The following IL17B variants were observed in gnomAD, a reference collection of about 807,000 sequenced individuals.
IL17B encodes interleukin 17B.
In IL17B, 14 loss-of-function variants were observed where a neutral mutation model predicts 14.7. The observed-to-expected ratio is 0.95, with a 90% CI of 0.63 to 1.49. The LOEUF (loss-of-function observed/expected upper bound fraction) is 1.49, where lower values mean the gene tolerates loss of function less well. Ranked by LOEUF, IL17B falls within the 40% of genes most tolerant of loss-of-function variation. The probability of loss-of-function intolerance (pLI) is 0.00; values close to 1 mark genes in which losing one functional copy is unlikely to be tolerated. For synonymous variants in IL17B, 105 were observed against 94.8 expected, an observed-to-expected ratio of 1.11 and a Z score of -0.62; for missense variants, 233 against 252.8, an observed-to-expected ratio of 0.92 and a Z score of 0.53.
chr5:149,387,235 T>C (rs190818305), intron 1 of IL17B, among the ~76,000 whole-genome samples: 60 of 152,334 alleles, frequency 3.9e-4, no homozygotes, highest in African/African-American at 1.4e-3. Context: ...AAATTTCCAT[T>C]GGAAGGTCAG....
chr5:149,374,366 G>A lies in IL17B; in HGVS notation c.*3C>T. The A allele has an allele frequency of 6.4e-7, 1 of 1,561,280 alleles. No individual in the cohort carries two copies. Among genetic ancestry groups the A allele is most frequent in the Non-Finnish European group, 8.7e-7 (1 of 1,152,494 alleles). On this transcript the variant is annotated 3_prime_UTR_variant, in exon 3 of 3. Transcript: ENST00000261796. This position sits in a 1 kb window ranked among gnomAD's most constrained non-coding sequence, Gnocchi z 5.0. The stretch of plus-strand genomic sequence containing the variant: ...TGCTGGCCTGGCTTCTGGGCCAGGT[G>A]ATTCAGAAGATGCAGGTGCAGCCCA...
At chr5:149,377,174 G>C in intron 1 of IL17B, 149 bp from the exon 2 acceptor site, 1 of 634,140 alleles carries the variant, frequency 1.6e-6, no homozygotes. Flanking sequence ...TCCCTCCTCA[G>C]ATTACCCCCT....
chr5:149,392,953 TGTGTGC>T (rs1759008522), intron 1 of IL17B, among the ~76,000 whole-genome samples: 1 of 150,716 alleles, frequency 6.6e-6, no homozygotes, highest in African/African-American at 2.4e-5. Context: ...TGTGCGTGCG[TGTGTGC>T]GTGTGTGTGC....
At chr5:149,376,437 G>A (rs1758537141) in intron 2 of IL17B, among the ~76,000 whole-genome samples, 1 of 152,206 alleles carries the variant, frequency 6.6e-6, no homozygotes, top group Non-Finnish European at 1.5e-5. Flanking sequence ...TGACATCTGG[G>A]GAAAGCCTTG....
intron 1 of IL17B, among the ~76,000 whole-genome samples, chr5:149,391,127 C>A (rs993032632): frequency 6.6e-6 from 1 of 152,176 alleles, no homozygotes; most frequent in Non-Finnish European, 1.5e-5. Context: ...CCATCATCCC[C>A]AGCTAATTTT....
chr5:149,376,643 C>T, intron 2 of IL17B, 93 bp downstream of exon 2: 1 of 1,481,444 alleles, frequency 6.8e-7, no homozygotes, highest in Non-Finnish European at 9.1e-7. Flanking sequence ...AGCACCCAGA[C>T]CTCTGAATCT....
rs547929452 is a variant in IL17B at position 149,395,889 on chromosome 5, T to C, written n.95+8219A>G. On this transcript the variant is annotated intron_variant and non_coding_transcript_variant, in intron 1 of 2. Coordinates refer to the IL17B transcript ENST00000505432. ...GGTTTCACCATGTTGGCCAGGCTGG[T>C]CTTGAACTCCTGGCCTCAAGTGATC... Among the ~76,000 whole-genome samples, 6 of 152,274 alleles carry C rather than the reference T, an allele frequency of 3.9e-5. No individual in the cohort carries two copies. The South Asian group carries it at 1.0e-3, about 26-fold the overall frequency.
chr5:149,403,275 G>T (rs757711458), intron 1 of IL17B, among the ~76,000 whole-genome samples: 1 of 151,722 alleles, frequency 6.6e-6, no homozygotes. Flanking sequence ...TTATAGAGAC[G>T]GGGTTTCACC....
In IL17B at chr5:149,374,798, C is replaced by A; in HGVS notation, c.312-198G>T. 1.8e-6 allele frequency: 1 copy of A among 547,140 alleles called. No homozygotes were observed. The highest frequency in any genetic ancestry group is 3.3e-6 in the Non-Finnish European group (1 of 307,408). The allele number at this position is 547,140 out of a possible 1,614,324, so 33.9% of individuals were successfully genotyped here. A position where few individuals can be genotyped will look rare whatever the true frequency, so the allele number is the denominator to read the frequency against. On this transcript the variant is annotated intron_variant, in intron 2 of 2. Coordinates refer to ENST00000261796, the MANE Select transcript of IL17B (RefSeq NM_014443.3). This position sits in a 1 kb window ranked among gnomAD's most constrained non-coding sequence, Gnocchi z 5.0. ...GATCATGGAAGGCAAGTCGAGAGCC[C>A]CAAGGTTATCCAGCTTCAAGGTCAC...
chr5:149,397,307 T>C (rs944524178), intron 1 of IL17B, among the ~76,000 whole-genome samples: 1 of 152,102 alleles, frequency 6.6e-6, no homozygotes, highest in African/African-American at 2.4e-5. Flanking sequence ...GTAGCAGGAT[T>C]ATAGATGCCC....
At chr5:149,378,808 G>A (rs988209782) in intron 1 of IL17B, among the ~76,000 whole-genome samples, 7 of 152,172 alleles carry the variant, frequency 4.6e-5, no homozygotes, top group South Asian at 2.1e-4. Flanking sequence ...CTCTCCACTC[G>A]GAGAAACGTA....
At chr5:149,377,978 C>T (rs1758590188) in intron 1 of IL17B, among the ~76,000 whole-genome samples, 1 of 151,968 alleles carries the variant, frequency 6.6e-6, no homozygotes, top group Non-Finnish European at 1.5e-5. Context: ...CCCGTCTCTA[C>T]TAAAAATACA....
At chr5:149,377,403 G>T (rs1472502154) in intron 1 of IL17B, among the ~76,000 whole-genome samples, 1 of 152,148 alleles carries the variant, frequency 6.6e-6, no homozygotes, top group East Asian at 1.9e-4. Flanking sequence ...CCTCTTGCAT[G>T]ACTTCAATCT....
At chr5:149,394,189 G>A (rs149563736) in intron 1 of IL17B, among the ~76,000 whole-genome samples, 247 of 152,218 alleles carry the variant, frequency 1.6e-3, no homozygotes, top group African/African-American at 5.5e-3. Flanking sequence ...ACAGTTACGC[G>A]CAGATGAACT....
At chr5:149,388,394 A>G (rs1758869331) in intron 1 of IL17B, among the ~76,000 whole-genome samples, 1 of 152,066 alleles carries the variant, frequency 6.6e-6, no homozygotes, top group Non-Finnish European at 1.5e-5. Context: ...ATCACCTACA[A>G]ATCTTCTCAT....
At position 149,374,558 on chromosome 5, in the gene IL17B, C is replaced by T. The variant is rs753894362; in HGVS notation, c.354G>A (p.Glu118=). 2 of 1,612,968 alleles carry T rather than the reference C, an allele frequency of 1.2e-6. No homozygotes were observed. Among genetic ancestry groups the T allele is most frequent in the East Asian group, 4.5e-5 (2 of 44,860 alleles). Residue 118 remains glutamate (E), a synonymous_variant, in exon 3 of 3, where the codon GAG becomes GAA. Transcript: ENST00000261796. The surrounding 1 kb of genome is among the most constrained non-coding windows in gnomAD (Gnocchi z 5.0). ...DPSRIPVDLP[E]ARCLCLGCVN... ...CACAGCCCAGACACAGGCACCGTGC[C>T]TCCGGCAGGTCCACGGGGATACGGC...
chr5:149,402,736 G>A lies in IL17B; in HGVS notation n.95+1372C>T, dbSNP rs191076233. Among the ~76,000 whole-genome samples the A allele has an allele frequency of 8.6e-3, 1,302 of 151,268 alleles. 17 individuals carry two copies. The highest frequency in any genetic ancestry group is 0.03 in the African/African-American group (1,252 of 41,226). ...ACAAAAACTCGTGCCGGGCACGGTGGCTCATGCCTGTAATCTCAGCACTTT... is the reference window on the plus strand; with the variant it reads ...ACAAAAACTCGTGCCGGGCACGGTGACTCATGCCTGTAATCTCAGCACTTT... On this transcript the variant is annotated intron_variant and non_coding_transcript_variant, in intron 1 of 2. Coordinates refer to the IL17B transcript ENST00000505432.
intron 1 of IL17B, among the ~76,000 whole-genome samples, chr5:149,402,383 G>GTTCCCCTTCCCATAACCATTC (rs1230519846): frequency 1.3e-4 from 20 of 152,180 alleles, no homozygotes; most frequent in Non-Finnish European, 2.5e-4. Flanking sequence ...CTACACCATT[G>GTTCCCCTTCCCATAACCATTC]TTCCCCTTCC....
At chr5:149,401,516 C>A (rs1581399181) in intron 1 of IL17B, among the ~76,000 whole-genome samples, 1 of 152,082 alleles carries the variant, frequency 6.6e-6, no homozygotes, top group South Asian at 2.1e-4. Context: ...ACCAGCCTGG[C>A]CAACATGGTG....
Sources: gnomAD v4.1 joint callset for allele counts (sites outside exome capture counted in the v4.1 genomes callset) on GRCh38, gnomAD v4.1.1 for gene constraint, Gnocchi (gnomAD v3.1) non-coding constraint, MANE v1.5 for transcripts, NCBI Gene and HGNC (gene_info 2026-07-23, HGNC 2026-07-21) for gene names.